Variants in DISP1 observed in about 807,000 individuals in gnomAD.
The protein encoded by DISP1 is protein dispatched homolog 1.
A neutral mutation model predicts 37.3 loss-of-function variants in DISP1; 30 were observed. The observed-to-expected ratio is 0.80, with a 90% CI of 0.60 to 1.09. The LOEUF (loss-of-function observed/expected upper bound fraction) is 1.09. DISP1 is among the 50% of genes least tolerant of loss of function. DISP1 has a pLI of 0.00. For synonymous variants in DISP1, 634 were observed against 690.2 expected, an observed-to-expected ratio of 0.92 and a Z score of 1.28; for missense variants, 1,598 against 1,879.5, an observed-to-expected ratio of 0.85 and a Z score of 2.77.
chr1:222,989,930 G>A (rs1194724478), intron 4 of DISP1, among the ~76,000 whole-genome samples: 2 of 151,832 alleles, frequency 1.3e-5, no homozygotes, highest in East Asian at 3.9e-4. Context: ...AGCCTCCCAA[G>A]TAGCTAGGAC....
At chr1:222,895,265 G>C (rs374471272) in intron 1 of DISP1, among the ~76,000 whole-genome samples, 1 of 152,294 alleles carries the variant, frequency 6.6e-6, no homozygotes, top group South Asian at 2.1e-4. Flanking sequence ...GAAGTTATCA[G>C]GGAAATTCTG....
Position 223,003,764 on chromosome 1 carries a change from A to T in DISP1, c.2367A>T (p.Val789=). Residue 789 remains valine (V), a synonymous_variant, in exon 9 of 9, where the codon GTA becomes GTT. Coordinates refer to ENST00000675850, the MANE Select transcript of DISP1 (RefSeq NM_001377229.1). The surrounding 1 kb of genome is among the most constrained non-coding windows in gnomAD (Gnocchi z 4.3). ...HGEELHMPIT[V]IWGVSPEDNG... Reference sequence around the variant, plus strand: ...AGGAGCTCCACATGCCCATCACAGTAATCTGGGGCGTGTCCCCAGAAGACA... The same window carrying T: ...AGGAGCTCCACATGCCCATCACAGTTATCTGGGGCGTGTCCCCAGAAGACA... 2 of 1,614,168 alleles carry T rather than the reference A, an allele frequency of 1.2e-6. No homozygotes were observed. Among genetic ancestry groups the T allele is most frequent in the Non-Finnish European group, 1.7e-6 (2 of 1,180,026 alleles).
At chr1:222,991,471 C>T in intron 5 of DISP1, 49 bp from the exon 6 acceptor site, 1 of 1,611,550 alleles carries the variant, frequency 6.2e-7, no homozygotes, top group Non-Finnish European at 8.5e-7. Flanking sequence ...TGTAACTGTA[C>T]TTAGCCTGAA....
At chr1:222,863,031 A>G (rs1276282403) in intron 1 of DISP1, among the ~76,000 whole-genome samples, 1 of 152,164 alleles carries the variant, frequency 6.6e-6, no homozygotes, top group Non-Finnish European at 1.5e-5. Context: ...GGTTTGTATC[A>G]TGTATCCTCC....
intron 2 of DISP1, among the ~76,000 whole-genome samples, chr1:222,936,285 G>T (rs2125468180): frequency 6.6e-6 from 1 of 152,202 alleles, no homozygotes; most frequent in South Asian, 2.1e-4. Flanking sequence ...GATGATGCAT[G>T]TCTCTGGACA....
At chr1:222,849,965 G>A (rs1668130285) in intron 1 of DISP1, among the ~76,000 whole-genome samples, 1 of 152,078 alleles carries the variant, frequency 6.6e-6, no homozygotes, top group African/African-American at 2.4e-5. Context: ...GTTGTATGTG[G>A]ACATGGCTAA....
chr1:222,944,700 G>C (rs1400399771), intron 3 of DISP1, among the ~76,000 whole-genome samples: 1 of 152,044 alleles, frequency 6.6e-6, no homozygotes, highest in Non-Finnish European at 1.5e-5. Context: ...GATTTGTTTT[G>C]CCTACTCCTA....
rs1003722188 is a variant in DISP1 at position 222,919,445 on chromosome 1, C to G, written c.-158-8985C>G. ...CAATCGTTATCTGCTCCTCCCTGCT[C>G]TGTCTACCCAGTAAATATGAAGGGC... On this transcript the variant is annotated intron_variant, in intron 1 of 8. Coordinates refer to ENST00000675850, the MANE Select transcript of DISP1 (RefSeq NM_001377229.1). Among the ~76,000 whole-genome samples, 5 of 152,314 alleles carry G rather than the reference C, an allele frequency of 3.3e-5. No individual in the cohort carries two copies. In the East Asian group the frequency reaches 5.8e-4, roughly 18 times the overall value.
chr1:222,903,913 A>G (rs988083936), intron 1 of DISP1, among the ~76,000 whole-genome samples: 5 of 152,258 alleles, frequency 3.3e-5, no homozygotes, highest in Admixed American at 2.6e-4. Context: ...AGGAGGCAAT[A>G]GAGTGCATAA....
intron 4 of DISP1, 98 bp downstream of exon 4, chr1:222,983,207 C>G (rs111313368): frequency 6.3e-6 from 6 of 956,448 alleles, no homozygotes; most frequent in Admixed American, 6.0e-5. Flanking sequence ...TTTCACTTTC[C>G]TCATTCATAT....
At chr1:222,858,277 T>G (rs1315084407) in intron 1 of DISP1, among the ~76,000 whole-genome samples, 1 of 152,178 alleles carries the variant, frequency 6.6e-6, no homozygotes, top group Non-Finnish European at 1.5e-5. Flanking sequence ...GTGTTTCATA[T>G]GCAGAAAATT....
intron 4 of DISP1, among the ~76,000 whole-genome samples, chr1:222,987,882 C>G (rs1678391670): frequency 6.6e-6 from 1 of 151,804 alleles, no homozygotes; most frequent in Admixed American, 6.6e-5. Flanking sequence ...ATGTAAAGGA[C>G]TCTTTTTAAG....
intron 8 of DISP1, among the ~76,000 whole-genome samples, chr1:223,001,552 A>G (rs1326259270): frequency 1.3e-5 from 2 of 152,182 alleles, no homozygotes; most frequent in African/African-American, 4.8e-5. Flanking sequence ...GGCTTCTGTG[A>G]CAAAATACCT....
At chr1:222,948,130 C>T (rs957294348) in intron 3 of DISP1, among the ~76,000 whole-genome samples, 2 of 152,162 alleles carry the variant, frequency 1.3e-5, no homozygotes, top group East Asian at 1.9e-4. Context: ...AGAGCTGAGA[C>T]ATTGAGCTTC....
At chr1:222,828,486 AAC>A (rs1441957677) in intron 1 of DISP1, among the ~76,000 whole-genome samples, 5 of 152,226 alleles carry the variant, frequency 3.3e-5, no homozygotes, top group African/African-American at 1.2e-4. Context: ...CCCCAGAAAT[AAC>A]AGTGTTTATA....
intron 8 of DISP1, among the ~76,000 whole-genome samples, chr1:222,998,111 C>T (rs565484620): frequency 1.3e-5 from 2 of 151,958 alleles, no homozygotes; most frequent in East Asian, 3.9e-4. Flanking sequence ...TATTGGTTAA[C>T]AGTTCGACTT....
intron 3 of DISP1, among the ~76,000 whole-genome samples, chr1:222,955,146 G>A (rs1449013182): frequency 1.3e-5 from 2 of 151,466 alleles, no homozygotes; most frequent in East Asian, 1.9e-4. Context: ...GAGTGCAGTG[G>A]CACAATCTTG....
At chr1:222,825,556 A>G (rs1218146673) in intron 1 of DISP1, among the ~76,000 whole-genome samples, 1 of 142,250 alleles carries the variant, frequency 7.0e-6, no homozygotes, top group African/African-American at 2.6e-5. Context: ...GCTAGAGTGC[A>G]GTGGCACGAT....
At chr1:222,945,647 C>T (rs1249246605) in intron 3 of DISP1, 5 of 147,362 alleles carry the variant, frequency 3.4e-5, no homozygotes, top group South Asian at 4.3e-4. Flanking sequence ...ATTAAAAAAA[C>T]GAACTGATAG....
Sources: gnomAD v4.1 joint callset for allele counts (sites outside exome capture counted in the v4.1 genomes callset) on GRCh38, gnomAD v4.1.1 for gene constraint, Gnocchi (gnomAD v3.1) non-coding constraint, MANE v1.5 for transcripts, NCBI Gene and HGNC (gene_info 2026-07-23, HGNC 2026-07-21) for gene names.